RAB10: variants seen among roughly 807,000 people sequenced by gnomAD.
RAB10 encodes ras-related protein Rab-10.
Under a neutral mutation model 25.7 loss-of-function variants are expected in RAB10, and 5 were observed. That is an observed-to-expected ratio of 0.19 (90% confidence interval 0.10 to 0.41). The LOEUF (loss-of-function observed/expected upper bound fraction) is 0.41. Among genes scored for constraint, RAB10 ranks in the 10% least tolerant of loss-of-function variants. The pLI is 1.00. For missense variants in RAB10, 103 were observed against 245.8 expected (o/e 0.42, Z 3.89); for synonymous variants, 89 against 86.4 (o/e 1.03, Z -0.16).
At chr2:26,043,269 A>G (rs1432734016) in intron 1 of RAB10, among the ~76,000 whole-genome samples, 1 of 152,114 alleles carries the variant, frequency 6.6e-6, no homozygotes, top group Admixed American at 6.6e-5. Flanking sequence ...GAAACCCCCC[A>G]AAATTAGCTG....
At position 26,086,042 on chromosome 2, in the gene RAB10, C is replaced by T. The variant is rs549713385; in HGVS notation, c.128-12620C>T. ...AGGGGGGGGGCAAAGGGGCCCGATG[C>T]GGTAGCTCACGCCTGTAATCCCAGC... On this transcript the variant is annotated intron_variant, in intron 1 of 5. Transcript: ENST00000264710. 4.4e-4 allele frequency among the ~76,000 whole-genome samples: 63 copies of T among 141,972 alleles called. No homozygotes were observed. In the South Asian group the frequency reaches 8.7e-3, roughly 20 times the overall value. The allele number at this position is 141,972 out of a possible 152,430, so 93.1% of individuals were successfully genotyped here.
At chr2:26,033,990 C>T (rs1417529816), upstream of RAB10, 9 of 398,170 alleles carry the variant, frequency 2.3e-5, no homozygotes, top group African/African-American at 1.4e-4. Flanking sequence ...CCACTCGCCA[C>T]TTCGGCGCGC....
In RAB10 at chr2:26,098,651, C is replaced by G; in HGVS notation, c.128-11C>G. 6.4e-7 allele frequency: 1 copy of G among 1,562,684 alleles called. No homozygotes were observed. Among genetic ancestry groups the G allele is most frequent in the South Asian group, 1.1e-5 (1 of 87,658 alleles). On this transcript the variant is annotated splice_polypyrimidine_tract_variant and intron_variant, in intron 1 of 5. Transcript: ENST00000264710. ...CCACAGTTACAGTTTACCTTTTTTT[C>G]TGCATTGTAGGAATAGACTTCAAGA...
intron 1 of RAB10, among the ~76,000 whole-genome samples, chr2:26,052,070 CAA>C (rs1559579049): frequency 6.9e-6 from 1 of 145,876 alleles, no homozygotes; most frequent in East Asian, 2.0e-4. Context: ...AAAAAAAAAA[CAA>C]AAAGTCATTA....
intron 1 of RAB10, among the ~76,000 whole-genome samples, chr2:26,039,477 G>A (rs1665837725): frequency 6.6e-6 from 1 of 151,332 alleles, no homozygotes; most frequent in Non-Finnish European, 1.5e-5. Context: ...CTCCCTAGTA[G>A]CTGGGATTAC....
chr2:26,066,089 A>G (rs1277465529), intron 1 of RAB10, among the ~76,000 whole-genome samples: 1 of 150,962 alleles, frequency 6.6e-6, no homozygotes, highest in African/African-American at 2.5e-5. Context: ...TTAACTTTCA[A>G]AAGCTTTATT....
At chr2:26,050,060 A>C (rs1224537206) in intron 1 of RAB10, among the ~76,000 whole-genome samples, 3 of 152,138 alleles carry the variant, frequency 2.0e-5, no homozygotes, top group Non-Finnish European at 4.4e-5. Context: ...GGAATTTCCT[A>C]AGGGTCTCTC....
At chr2:26,085,400 G>C (rs549648124) in intron 1 of RAB10, among the ~76,000 whole-genome samples, 1 of 150,806 alleles carries the variant, frequency 6.6e-6, no homozygotes, top group South Asian at 2.1e-4. Context: ...TGAGGCAGGA[G>C]AATCGCTTGA....
intron 1 of RAB10, among the ~76,000 whole-genome samples, chr2:26,036,422 A>T (rs2149259551): frequency 6.6e-6 from 1 of 152,274 alleles, no homozygotes; most frequent in African/African-American, 2.4e-5. Flanking sequence ...GCACTTTGGG[A>T]GGCCTTGGCG....
At chr2:26,042,324 A>G (rs149768040) in intron 1 of RAB10, among the ~76,000 whole-genome samples, 5 of 152,142 alleles carry the variant, frequency 3.3e-5, no homozygotes, top group Non-Finnish European at 5.9e-5. Context: ...GGTTGGTTCC[A>G]CTAACCTGCA....
chr2:26,094,313 A>T (rs759934058), intron 1 of RAB10, among the ~76,000 whole-genome samples: 31 of 150,110 alleles, frequency 2.1e-4, no homozygotes, highest in Non-Finnish European at 4.1e-4. Context: ...GTGCAGTGGC[A>T]CGGTCTTGAC....
At chr2:26,122,488 C>T (rs938482505) in intron 3 of RAB10, among the ~76,000 whole-genome samples, 2 of 151,972 alleles carry the variant, frequency 1.3e-5, no homozygotes, top group South Asian at 2.1e-4. Flanking sequence ...ATTAGCCAGG[C>T]GTGGTGGCGG....
At chr2:26,082,623 A>G (rs1037341723) in intron 1 of RAB10, among the ~76,000 whole-genome samples, 2 of 152,166 alleles carry the variant, frequency 1.3e-5, no homozygotes, top group African/African-American at 4.8e-5. Context: ...CTTAATTTAA[A>G]ACCTTTCTGA....
intron 1 of RAB10, among the ~76,000 whole-genome samples, chr2:26,082,053 C>A (rs892827059): frequency 6.6e-6 from 1 of 151,964 alleles, no homozygotes; most frequent in Non-Finnish European, 1.5e-5. Context: ...GAAAATATTT[C>A]TTCTCAATTT....
chr2:26,062,636 C>T (rs1469307669), intron 1 of RAB10, among the ~76,000 whole-genome samples: 1 of 151,910 alleles, frequency 6.6e-6, no homozygotes, highest in Non-Finnish European at 1.5e-5. Flanking sequence ...CGAGATCATG[C>T]TACTCCACTC....
chr2:26,056,817 A>G (rs1666276518), intron 1 of RAB10, among the ~76,000 whole-genome samples: 1 of 151,980 alleles, frequency 6.6e-6, no homozygotes, highest in Non-Finnish European at 1.5e-5. Flanking sequence ...TTGTAGAGGC[A>G]GAGTTTTGCA....
chr2:26,061,413 A>G, intron 1 of RAB10, among the ~76,000 whole-genome samples: 1 of 151,972 alleles, frequency 6.6e-6, no homozygotes, highest in South Asian at 2.1e-4. Flanking sequence ...CACTGTGCCC[A>G]GCCCTGTTTT....
At chr2:26,087,432 C>T (rs1036127384) in intron 1 of RAB10, among the ~76,000 whole-genome samples, 12 of 152,170 alleles carry the variant, frequency 7.9e-5, no homozygotes, top group Non-Finnish European at 1.2e-4. Context: ...GACGAATTTT[C>T]GCTCTCGTTG....
chr2:26,078,800 A>C (rs1190703322), intron 1 of RAB10, among the ~76,000 whole-genome samples: 2 of 152,168 alleles, frequency 1.3e-5, no homozygotes, highest in African/African-American at 2.4e-5. Context: ...CAAAGATAGG[A>C]GCTGTTGACT....
Sources: gnomAD v4.1 joint callset for allele counts (sites outside exome capture counted in the v4.1 genomes callset) on GRCh38, gnomAD v4.1.1 for gene constraint, MANE v1.5 for transcripts, NCBI Gene and HGNC (gene_info 2026-07-23, HGNC 2026-07-21) for gene names.